SARAF: variants seen among roughly 807,000 people sequenced by gnomAD.
The protein encoded by SARAF is store-operated calcium entry associated regulatory factor.
SARAF carries 23 observed loss-of-function variants against 39.7 expected under a neutral mutation model. The observed-to-expected ratio is 0.58, with a 90% CI of 0.42 to 0.82. The LOEUF (loss-of-function observed/expected upper bound fraction) is 0.82, where lower values mean the gene tolerates loss of function less well. Ranked by LOEUF, SARAF falls within the 40% of genes least tolerant of loss-of-function variation. The probability of loss-of-function intolerance (pLI) is 0.00; values close to 1 mark genes in which losing one functional copy is unlikely to be tolerated. For missense variants in SARAF, 384 were observed against 418.5 expected (o/e 0.92, Z 0.72); for synonymous variants, 175 against 168.5 (o/e 1.04, Z -0.30).
intron 4 of SARAF, 68 bp downstream of exon 4, chr8:30,066,709 C>T (rs1464402220): frequency 1.3e-6 from 2 of 1,555,048 alleles, no homozygotes. Flanking sequence ...AAACTAAATG[C>T]AGTTAAATTG....
chr8:30,078,135 GT>G (rs1802011541), intron 1 of SARAF: 8 of 195,398 alleles, frequency 4.1e-5, no homozygotes, highest in South Asian at 2.2e-4. Context: ...GCTAGACTCC[GT>G]CTCAAAAAAA....
chr8:30,064,557 A>ATTTTT (rs1458215350), intron 5 of SARAF, among the ~76,000 whole-genome samples: 31 of 50,658 alleles, frequency 6.1e-4, no homozygotes, highest in Non-Finnish European at 6.8e-4. Flanking sequence ...ATATATATAT[A>ATTTTT]TATATTTTTT....
chr8:30,082,938 G>A lies in SARAF; in HGVS notation c.12C>T (p.Ala4=). MAA[A]CGPGAAGYCL... ...AGTACCCGGCCGCTCCCGGCCCGCA[G>A]GCTGCGGCCATGGCGCTCGATGAAG... is the stretch of plus-strand genomic sequence containing the variant. Residue 4 remains alanine (A), a synonymous_variant, in exon 1 of 6, where the codon GCC becomes GCT. Transcript: ENST00000256255. 1 of 1,546,018 alleles carries A rather than the reference G, an allele frequency of 6.5e-7. No homozygotes were observed. The highest frequency in any genetic ancestry group is 8.7e-7 in the Non-Finnish European group (1 of 1,146,594).
At position 30,066,103 on chromosome 8, in the gene SARAF, C is replaced by G. The variant is rs746773860; in HGVS notation, c.879G>C (p.Pro293=). 1 of 1,614,032 alleles carries G rather than the reference C, an allele frequency of 6.2e-7. No individual in the cohort carries two copies. The highest frequency in any genetic ancestry group is 1.1e-5 in the South Asian group (1 of 91,080). Residue 293 remains proline, a synonymous_variant, in exon 5 of 6, where the codon CCG becomes CCC. Transcript: ENST00000256255. ...ATPFSDSWYY[P]SYPPSYPGTW... ...TGCCAGGGTAGGAGGGAGGATAGGA[C>G]GGGTAGTACCACGAGTCTGAGAAGG... is the stretch of plus-strand genomic sequence containing the variant.
At chr8:30,071,202 A>G (rs1454589517) in intron 2 of SARAF, among the ~76,000 whole-genome samples, 2 of 152,154 alleles carry the variant, frequency 1.3e-5, no homozygotes, top group Non-Finnish European at 2.9e-5. Context: ...TGAGGTGGGC[A>G]TGGTGGCAGG....
chr8:30,064,710 G>A (rs1055254964), intron 5 of SARAF, among the ~76,000 whole-genome samples: 2 of 151,306 alleles, frequency 1.3e-5, no homozygotes, highest in Non-Finnish European at 2.9e-5. Context: ...TTACAGGCAT[G>A]TGCCACTACA....
At chr8:30,070,990 T>C (rs1043643352) in intron 2 of SARAF, among the ~76,000 whole-genome samples, 2 of 152,174 alleles carry the variant, frequency 1.3e-5, no homozygotes, top group Admixed American at 6.5e-5. Context: ...TGCCCAAGTT[T>C]GGTCTAGATT....
intron 4 of SARAF, 87 bp downstream of exon 4, chr8:30,066,690 T>C: frequency 6.6e-7 from 1 of 1,516,292 alleles, no homozygotes; most frequent in South Asian, 1.2e-5. Flanking sequence ...CAATTTATTT[T>C]CCTTAGCAAA....
intron 1 of SARAF, among the ~76,000 whole-genome samples, chr8:30,075,642 G>A (rs1801941083): frequency 6.6e-6 from 1 of 152,136 alleles, no homozygotes; most frequent in South Asian, 2.1e-4. Context: ...TCAGCTTCCT[G>A]GCTGTCATGA....
At chr8:30,066,756 A>G in intron 4 of SARAF, 21 bp downstream of exon 4, 1 of 1,548,208 alleles carries the variant, frequency 6.5e-7, no homozygotes, top group Non-Finnish European at 8.8e-7. Flanking sequence ...AGAGCAAGTG[A>G]GATCAATGCA....
Position 30,063,648 on chromosome 8 carries a change from C to T in SARAF, c.*240G>A, listed in dbSNP as rs899994953. 4 of 541,742 alleles carry T rather than the reference C, an allele frequency of 7.4e-6. No individual in the cohort carries two copies. Among genetic ancestry groups the T allele is most frequent in the Non-Finnish European group, 1.3e-5 (4 of 307,156 alleles). 33.6% of individuals were successfully genotyped at this position (541,742 alleles called of 1,614,324 possible). A position where few individuals can be genotyped will look rare whatever the true frequency, so the allele number is the denominator to read the frequency against. On this transcript the variant is annotated 3_prime_UTR_variant, in exon 6 of 6. Transcript: ENST00000256255. ...TTTTAGCATTCCACAGTAATGATCA[C>T]TTTCAAAAACTGCAATATACATCTG... is the stretch of plus-strand genomic sequence containing the variant.
Position 30,083,060 on chromosome 8 carries a change from G to A in SARAF, c.-111C>T, listed in dbSNP as rs1283079227. 2.6e-6 allele frequency: 2 copies of A among 762,418 alleles called. No homozygotes were observed. Among genetic ancestry groups the A allele is most frequent in the East Asian group, 3.3e-5 (1 of 30,666 alleles). 47.2% of individuals were successfully genotyped at this position (762,418 alleles called of 1,614,324 possible). A position where few individuals can be genotyped will look rare whatever the true frequency, so the allele number is the denominator to read the frequency against. ...ACCGCTACCCCTGGCGGCGGCGAAG[G>A]AACGGCCCGACTGCAGAGCTGCAGC... On this transcript the variant is annotated 5_prime_UTR_variant, in exon 1 of 6. Coordinates refer to ENST00000256255, the MANE Select transcript of SARAF (RefSeq NM_016127.6).
intron 3 of SARAF, among the ~76,000 whole-genome samples, chr8:30,067,769 TTATGGA>T (rs1438182050): frequency 6.6e-6 from 1 of 152,228 alleles, no homozygotes; most frequent in Non-Finnish European, 1.5e-5. Context: ...ATTCTAATGT[TTATGGA>T]TATTCCACCT....
At position 30,063,901 on chromosome 8, in the gene SARAF, G is replaced by A. The variant is rs776653005; in HGVS notation, c.1007C>T (p.Thr336Ile). 3 of 1,612,418 alleles carry A rather than the reference G, an allele frequency of 1.9e-6. No homozygotes were observed. The highest frequency in any genetic ancestry group is 1.7e-4 in the Middle Eastern group (1 of 6,056). Residue 336 changes from threonine (T) to isoleucine (I), a missense_variant, in exon 6 of 6, where the codon ACC becomes ATC. Thr to Ile is a moderately conservative substitution (Grantham distance 89). Coordinates refer to ENST00000256255, the MANE Select transcript of SARAF (RefSeq NM_016127.6). The part of the protein sequence containing the change: ...KTRTASGYGG[T>I]RRR ...CAACTTTCTACTTTATCGTCTCCTGGTACCACCATATCCTAGAATGAGAGG... is the reference window on the plus strand; with the variant it reads ...CAACTTTCTACTTTATCGTCTCCTGATACCACCATATCCTAGAATGAGAGG...
chr8:30,077,431 A>G (rs186497647), intron 1 of SARAF, among the ~76,000 whole-genome samples: 1 of 152,120 alleles, frequency 6.6e-6, no homozygotes, highest in African/African-American at 2.4e-5. Flanking sequence ...TGGGTGATAG[A>G]GTGAGACCCT....
rs1412190857 is a variant in SARAF, at chr8:30,066,668, C to T, written c.842+109G>A. Reference sequence around the variant, plus strand: ...TTCCCAGAGAATCTTATTTAATAGGCTAACGTCACCACAATTTATTTTCCT... The same window carrying T: ...TTCCCAGAGAATCTTATTTAATAGGTTAACGTCACCACAATTTATTTTCCT... On this transcript the variant is annotated intron_variant, in intron 4 of 5. Coordinates refer to ENST00000256255, the MANE Select transcript of SARAF (RefSeq NM_016127.6). The T allele has an allele frequency of 7.4e-6, 10 of 1,356,400 alleles. No individual in the cohort carries two copies. The East Asian group carries it at 1.8e-4, about 25-fold the overall frequency. 84.0% of individuals were successfully genotyped at this position (1,356,400 alleles called of 1,614,324 possible).
At chr8:30,079,626 A>C (rs1802054341) in intron 1 of SARAF, among the ~76,000 whole-genome samples, 1 of 152,226 alleles carries the variant, frequency 6.6e-6, no homozygotes, top group Non-Finnish European at 1.5e-5. Context: ...GGTGTCACTA[A>C]CTGGCTGTGA....
chr8:30,069,001 C>T (rs1230303078), intron 3 of SARAF, among the ~76,000 whole-genome samples: 3 of 151,884 alleles, frequency 2.0e-5, no homozygotes, highest in Non-Finnish European at 4.4e-5. Context: ...AATTGTTTTA[C>T]CTTTTACGTT....
At chr8:30,080,812 A>G (rs1802080693) in intron 1 of SARAF, among the ~76,000 whole-genome samples, 1 of 152,254 alleles carries the variant, frequency 6.6e-6, no homozygotes, top group African/African-American at 2.4e-5. Flanking sequence ...AGGACTTAAT[A>G]AATAGTATGT....
Sources: gnomAD v4.1 joint callset for allele counts (sites outside exome capture counted in the v4.1 genomes callset) on GRCh38, gnomAD v4.1.1 for gene constraint, MANE v1.5 for transcripts, NCBI Gene and HGNC (gene_info 2026-07-23, HGNC 2026-07-21) for gene names.